Variants in DLGAP2 observed in about 807,000 individuals in gnomAD.
The protein encoded by DLGAP2 is DLG associated protein 2, also known as disks large-associated protein 2.
In DLGAP2, 26 loss-of-function variants were observed where a neutral mutation model predicts 100.3. The ratio of observed to expected loss-of-function variants is 0.26; its 90% CI spans 0.19 to 0.36. DLGAP2 has a LOEUF of 0.36. Among genes scored for constraint, DLGAP2 ranks in the 10% least tolerant of loss-of-function variants. The pLI is 1.00. For missense variants in DLGAP2, 1,858 were observed against 1,453.2 expected (o/e 1.28, Z -4.53); for synonymous variants, 886 against 630.1 (o/e 1.41, Z -6.08).
intron 3 of DLGAP2, among the ~76,000 whole-genome samples, chr8:1,431,867 CCCAGCACCCCATGCCAG>C (rs1328783118): frequency 6.6e-6 from 1 of 152,210 alleles, no homozygotes; most frequent in Non-Finnish European, 1.5e-5. Context: ...CCTGCCGGCA[CCCAGCACCCCATGCCAG>C]CCAGCACCGC....
chr8:1,486,871 C>G (rs1436767704), intron 3 of DLGAP2, among the ~76,000 whole-genome samples: 1 of 152,194 alleles, frequency 6.6e-6, no homozygotes, highest in Non-Finnish European at 1.5e-5. Flanking sequence ...GATGGGAAAA[C>G]TGGAACAGCC....
intron 2 of DLGAP2, among the ~76,000 whole-genome samples, chr8:988,970 A>G (rs1255545210): frequency 6.6e-6 from 1 of 151,772 alleles, no homozygotes; most frequent in African/African-American, 2.4e-5. Context: ...TTCTCAGGTC[A>G]CCTCCTCTCC....
At chr8:1,175,975 C>G (rs1273559398) in intron 2 of DLGAP2, among the ~76,000 whole-genome samples, 2 of 152,226 alleles carry the variant, frequency 1.3e-5, no homozygotes, top group Non-Finnish European at 2.9e-5. Context: ...GGAGCTGGCA[C>G]AGGGCCTATG....
At chr8:1,606,399 C>G (rs1796801070) in intron 6 of DLGAP2, among the ~76,000 whole-genome samples, 2 of 152,258 alleles carry the variant, frequency 1.3e-5, no homozygotes, top group South Asian at 4.1e-4. Flanking sequence ...CCTGTACCGT[C>G]ACTCCCCACT....
chr8:997,847 T>TACATACACACATACACACAAACAC (rs1289118042), intron 2 of DLGAP2, among the ~76,000 whole-genome samples: 1 of 148,994 alleles, frequency 6.7e-6, no homozygotes, highest in South Asian at 2.1e-4. Flanking sequence ...CACGTGTGCA[T>TACATACACACATACACACAAACAC]ACATACACAC....
At chr8:982,688 G>A (rs539896114) in intron 2 of DLGAP2, among the ~76,000 whole-genome samples, 1 of 152,250 alleles carries the variant, frequency 6.6e-6, no homozygotes, top group Admixed American at 6.5e-5. Flanking sequence ...TCTTGGATTT[G>A]TGGTCTCAAG....
At chr8:1,434,170 C>T (rs1797549151) in intron 3 of DLGAP2, among the ~76,000 whole-genome samples, 1 of 152,130 alleles carries the variant, frequency 6.6e-6, no homozygotes, top group Non-Finnish European at 1.5e-5. Context: ...TGACCGTCAG[C>T]AGCTCAGCCG....
intron 1 of DLGAP2, among the ~76,000 whole-genome samples, chr8:847,091 T>C (rs887571068): frequency 1.3e-5 from 2 of 152,234 alleles, no homozygotes. Flanking sequence ...GAACTTGCCA[T>C]TAAAAACACA....
At chr8:1,448,981 T>G (rs188989909) in intron 3 of DLGAP2, among the ~76,000 whole-genome samples, 14 of 152,266 alleles carry the variant, frequency 9.2e-5, no homozygotes, top group Admixed American at 2.0e-4. Flanking sequence ...CAAAGTCTGG[T>G]TTAAAAGCTG....
At chr8:1,260,892 A>C (rs927556018) in intron 3 of DLGAP2, among the ~76,000 whole-genome samples, 4 of 152,242 alleles carry the variant, frequency 2.6e-5, no homozygotes, top group Non-Finnish European at 4.4e-5. Flanking sequence ...TCTCAGGCCC[A>C]GCACCACTGA....
At chr8:879,902 C>G (rs1011084731) in intron 1 of DLGAP2, among the ~76,000 whole-genome samples, 1 of 152,186 alleles carries the variant, frequency 6.6e-6, no homozygotes, top group South Asian at 2.1e-4. Flanking sequence ...TCTCCATTCT[C>G]CTTCCGTGTC....
intron 1 of DLGAP2, among the ~76,000 whole-genome samples, chr8:881,474 C>G (rs1035938325): frequency 6.8e-6 from 1 of 147,310 alleles, no homozygotes; most frequent in Admixed American, 6.9e-5. Flanking sequence ...TTTTCTCATC[C>G]TCTCCTTACC....
chr8:1,316,222 A>C lies in DLGAP2; in HGVS notation c.106+57339A>C, dbSNP rs71516175. 1.6e-4 allele frequency among the ~76,000 whole-genome samples: 18 copies of C among 113,494 alleles called. 1 individual carries two copies. Among genetic ancestry groups the C allele is most frequent in the South Asian group, 6.3e-4 (2 of 3,200 alleles). 74.5% of individuals were successfully genotyped at this position (113,494 alleles called of 152,430 possible). A position where few individuals can be genotyped will look rare whatever the true frequency, so the allele number is the denominator to read the frequency against. ...GCCTGTACGAGTGCAGCGTCTCTCC[A>C]ACAGTGGTCTACACTCGAGAAACTC... On this transcript the variant is annotated intron_variant, in intron 3 of 14. Transcript: ENST00000637795.
intron 3 of DLGAP2, among the ~76,000 whole-genome samples, chr8:1,281,620 G>A (rs945475036): frequency 2.6e-5 from 4 of 152,174 alleles, no homozygotes; most frequent in African/African-American, 9.7e-5. Flanking sequence ...TTGGGGAGCT[G>A]TTATTAATAA....
intron 1 of DLGAP2, among the ~76,000 whole-genome samples, chr8:807,270 C>G (rs1796288366): frequency 6.7e-6 from 1 of 148,748 alleles, no homozygotes; most frequent in South Asian, 2.2e-4. Flanking sequence ...CGTTCTCTCT[C>G]CTCTTTTTCT....
At chr8:1,010,776 T>C (rs888322861) in intron 2 of DLGAP2, among the ~76,000 whole-genome samples, 1 of 152,238 alleles carries the variant, frequency 6.6e-6, no homozygotes, top group Non-Finnish European at 1.5e-5. Flanking sequence ...TGAAGACTTT[T>C]TGTTTTTAGT....
intron 6 of DLGAP2, among the ~76,000 whole-genome samples, chr8:1,601,364 G>A (rs1256161908): frequency 6.6e-6 from 1 of 152,210 alleles, no homozygotes; most frequent in Non-Finnish European, 1.5e-5. Context: ...GGGCCCACTT[G>A]AGGAGGCACT....
chr8:946,462 A>T (rs909557417), intron 2 of DLGAP2, among the ~76,000 whole-genome samples: 1 of 151,824 alleles, frequency 6.6e-6, no homozygotes, highest in Non-Finnish European at 1.5e-5. Context: ...ACGGGGTTTC[A>T]CCATATTAGC....
intron 2 of DLGAP2, among the ~76,000 whole-genome samples, chr8:959,064 A>T (rs56126630): frequency 1.3e-5 from 2 of 152,248 alleles, no homozygotes; most frequent in Non-Finnish European, 2.9e-5. Flanking sequence ...ACATAATTTT[A>T]ATTATGGCTA....
Sources: gnomAD v4.1 joint callset for allele counts (sites outside exome capture counted in the v4.1 genomes callset) on GRCh38, gnomAD v4.1.1 for gene constraint, MANE v1.5 for transcripts, NCBI Gene and HGNC (gene_info 2026-07-23, HGNC 2026-07-21) for gene names.